Variants in MCPH1 observed in about 807,000 individuals in gnomAD.
MCPH1 encodes microcephalin 1.
Under a neutral mutation model 84.5 loss-of-function variants are expected in MCPH1, and 104 were observed. The ratio of observed to expected loss-of-function variants is 1.23; its 90% CI spans 1.05 to 1.45. The LOEUF (loss-of-function observed/expected upper bound fraction) is 1.45, where lower values mean the gene tolerates loss of function less well. Among genes scored for constraint, MCPH1 ranks in the 40% most tolerant of loss-of-function variants. The pLI is 0.00. For synonymous variants in MCPH1, 514 were observed against 366.8 expected, an observed-to-expected ratio of 1.40 and a Z score of -4.58; for missense variants, 1,498 against 1,005.7, an observed-to-expected ratio of 1.49 and a Z score of -6.62.
chr8:6,444,766 AC>A lies in MCPH1; in HGVS notation c.1047del (p.Arg350GlyfsTer5), dbSNP rs1804029612. 1 of 1,614,060 alleles carries A rather than the reference AC, an allele frequency of 6.2e-7. No individual in the cohort carries two copies. Among genetic ancestry groups the A allele is most frequent in the South Asian group, 1.1e-5 (1 of 91,074 alleles). ...AAGGCCACCTTTTGATACATTCAAG[AC>A]CCAGGAGTTCCTCAGTAAAGAGAAA... ...TKGHLLIHSRPRSSSVKRKRV... is the reference protein window; with the variant it reads ...TKGHLLIHSRXRSSSVKRKRV... On this transcript the variant is annotated frameshift_variant, in exon 8 of 14. Transcript: ENST00000344683. LOFTEE classifies it high-confidence loss of function.
In MCPH1 at chr8:6,407,576, G is replaced by T. The variant is rs11777868; in HGVS notation, c.22+887G>T. Among the ~76,000 whole-genome samples, 515 of 152,240 alleles carry T rather than the reference G, an allele frequency of 3.4e-3. 6 individuals are homozygous for T. Among genetic ancestry groups the T allele is most frequent in the Non-Finnish European group, 3.0e-3 (202 of 68,022 alleles). On this transcript the variant is annotated intron_variant, in intron 1 of 13. Coordinates refer to ENST00000344683, the MANE Select transcript of MCPH1 (RefSeq NM_024596.5). ...GAGAAAAAAGGGGCCTGTATTGTGGGGCCTGGAGTCATAAAACCTCATAGC... is the reference window on the plus strand; with the variant it reads ...GAGAAAAAAGGGGCCTGTATTGTGGTGCCTGGAGTCATAAAACCTCATAGC...
chr8:6,467,329 T>C (rs1298949482), intron 9 of MCPH1, among the ~76,000 whole-genome samples: 1 of 152,178 alleles, frequency 6.6e-6, no homozygotes. Context: ...TTTTTTGAAG[T>C]TGTGTTGTTT....
At chr8:6,511,222 C>T (rs774741763) in intron 12 of MCPH1, among the ~76,000 whole-genome samples, 30 of 151,376 alleles carry the variant, frequency 2.0e-4, no homozygotes, top group Non-Finnish European at 3.5e-4. Context: ...GTTTAAAGTG[C>T]TTTCTTTAAA....
intron 12 of MCPH1, among the ~76,000 whole-genome samples, chr8:6,580,336 G>T (rs899627852): frequency 1.3e-5 from 2 of 152,174 alleles, no homozygotes; most frequent in Admixed American, 6.5e-5. Flanking sequence ...ACAGCCGGTT[G>T]CCCTTTGTTG....
chr8:6,482,291 A>G (rs891008311), intron 11 of MCPH1, among the ~76,000 whole-genome samples: 2 of 152,204 alleles, frequency 1.3e-5, no homozygotes, highest in African/African-American at 4.8e-5. Flanking sequence ...AAATCTATGG[A>G]AAAAATGACT....
chr8:6,547,992 G>C (rs1374648266), intron 12 of MCPH1, among the ~76,000 whole-genome samples: 1 of 151,548 alleles, frequency 6.6e-6, no homozygotes, highest in Non-Finnish European at 1.5e-5. Flanking sequence ...ATTCTTGAAC[G>C]CTTCCCTCAG....
At chr8:6,462,530 C>T (rs1409818300) in intron 9 of MCPH1, among the ~76,000 whole-genome samples, 1 of 152,164 alleles carries the variant, frequency 6.6e-6, no homozygotes, top group Non-Finnish European at 1.5e-5. Flanking sequence ...TCTTCCAAAA[C>T]TTGAGAGACT....
At chr8:6,522,760 C>G (rs969937297) in intron 12 of MCPH1, among the ~76,000 whole-genome samples, 1 of 148,120 alleles carries the variant, frequency 6.8e-6, no homozygotes, top group South Asian at 2.1e-4. Flanking sequence ...GGCAACAGAG[C>G]GAGACATCGT....
intron 11 of MCPH1, among the ~76,000 whole-genome samples, chr8:6,497,224 T>A (rs931360431): frequency 6.6e-6 from 1 of 151,570 alleles, no homozygotes; most frequent in Non-Finnish European, 1.5e-5. Flanking sequence ...CTCACACCTA[T>A]AATCCCAACA....
chr8:6,435,317 A>G (rs1279400127), intron 4 of MCPH1, among the ~76,000 whole-genome samples: 4 of 152,198 alleles, frequency 2.6e-5, no homozygotes, highest in African/African-American at 9.7e-5. Context: ...GTCCAAGATC[A>G]TGCCACTTGT....
chr8:6,484,781 A>G (rs1416205274), intron 11 of MCPH1, among the ~76,000 whole-genome samples: 1 of 152,230 alleles, frequency 6.6e-6, no homozygotes, highest in African/African-American at 2.4e-5. Flanking sequence ...CACATGCTGT[A>G]TAAGGCCATT....
chr8:6,514,921 G>T (rs571789853), intron 12 of MCPH1: 17 of 618,502 alleles, frequency 2.7e-5, no homozygotes, highest in East Asian at 1.0e-4. Context: ...AGACCATCGG[G>T]GTTGTCTAAG....
rs1804077645 is a variant in MCPH1 at position 6,445,033 on chromosome 8, A to C, written c.1311A>C (p.Ser437=). ...TTCCTCCTGAATCTCAGCTGCCATC[A>C]AGCCCTGCTCAGTTGAGCTGCAGAA... ...ENLPPESQLP[S]SPAQLSCRSL... Residue 437 remains serine, a synonymous_variant, in exon 8 of 14, where the codon TCA becomes TCC. Transcript: ENST00000344683. 1 of 1,614,218 alleles carries C rather than the reference A, an allele frequency of 6.2e-7. No homozygotes were observed. Among genetic ancestry groups the C allele is most frequent in the Non-Finnish European group, 8.5e-7 (1 of 1,180,014 alleles).
At chr8:6,420,998 T>C (rs550262208) in intron 3 of MCPH1, among the ~76,000 whole-genome samples, 2 of 152,130 alleles carry the variant, frequency 1.3e-5, no homozygotes, top group Non-Finnish European at 2.9e-5. Context: ...GAGGTCTAAT[T>C]TGATGTTTAA....
chr8:6,484,526 G>C (rs1809618915), intron 11 of MCPH1, among the ~76,000 whole-genome samples: 1 of 152,204 alleles, frequency 6.6e-6, no homozygotes. Flanking sequence ...CCAGATATTT[G>C]CCTCGGAGAA....
At chr8:6,489,072 T>C (rs1360765482) in intron 11 of MCPH1, among the ~76,000 whole-genome samples, 3 of 152,024 alleles carry the variant, frequency 2.0e-5, no homozygotes, top group Admixed American at 6.6e-5. Flanking sequence ...GGGCAGAAGA[T>C]TGTGTGCAAG....
In MCPH1 at chr8:6,445,898, T is replaced by C. The variant is rs543547693; in HGVS notation, c.1825+351T>C. 9.9e-6 allele frequency: 10 copies of C among 1,013,480 alleles called. No individual in the cohort carries two copies. The East Asian group carries it at 9.3e-4, about 94-fold the overall frequency. 62.8% of individuals were successfully genotyped at this position (1,013,480 alleles called of 1,614,324 possible). On this transcript the variant is annotated intron_variant, in intron 8 of 13. Coordinates refer to ENST00000344683, the MANE Select transcript of MCPH1 (RefSeq NM_024596.5). ...TGGCGCTGCAGCGTGTGTAAAGATG[T>C]ATACGATAGAGAGTTTTTTAAAACC...
intron 12 of MCPH1, among the ~76,000 whole-genome samples, chr8:6,583,451 T>C (rs1325666226): frequency 1.3e-5 from 2 of 152,236 alleles, no homozygotes; most frequent in African/African-American, 4.8e-5. Context: ...CCGACAAAAT[T>C]CTTGCCATCT....
chr8:6,586,499 C>A (rs117495906), intron 12 of MCPH1, among the ~76,000 whole-genome samples: 1 of 152,186 alleles, frequency 6.6e-6, no homozygotes. Context: ...CCATGCAGTG[C>A]GTGTCTTTAT....
Sources: gnomAD v4.1 joint callset for allele counts (sites outside exome capture counted in the v4.1 genomes callset) on GRCh38, gnomAD v4.1.1 for gene constraint, MANE v1.5 for transcripts, NCBI Gene and HGNC (gene_info 2026-07-23, HGNC 2026-07-21) for gene names.